ATP11B: variants seen among roughly 807,000 people sequenced by gnomAD.
ATP11B encodes phospholipid-transporting ATPase IF.
Under a neutral mutation model 157.8 loss-of-function variants are expected in ATP11B, and 81 were observed. That is an observed-to-expected ratio of 0.51 (90% CI 0.43 to 0.62). ATP11B has a LOEUF of 0.62. ATP11B is among the 20% of genes least tolerant of loss of function. The probability of loss-of-function intolerance (pLI) is 0.00; values close to 1 mark genes in which losing one functional copy is unlikely to be tolerated. For missense variants in ATP11B, 1,165 were observed against 1,402.2 expected, an observed-to-expected ratio of 0.83 and a Z score of 2.70; for synonymous variants, 451 against 469.4, an observed-to-expected ratio of 0.96 and a Z score of 0.51.
At chr3:182,889,595 G>GT (rs765836505) in intron 25 of ATP11B, 47 bp downstream of exon 25, 72 of 1,420,396 alleles carry the variant, frequency 5.1e-5, no homozygotes, top group East Asian at 5.3e-5. Flanking sequence ...TATTTTATGG[G>GT]TTTTTTATAG....
intron 25 of ATP11B, among the ~76,000 whole-genome samples, chr3:182,892,167 T>A (rs908205691): frequency 1.3e-5 from 2 of 152,112 alleles, no homozygotes; most frequent in African/African-American, 4.8e-5. Context: ...TTGCTTATGT[T>A]CCCTCTCTAG....
chr3:182,912,600 T>G (rs1724871685), intron 28 of ATP11B, among the ~76,000 whole-genome samples: 1 of 152,224 alleles, frequency 6.6e-6, no homozygotes, highest in Non-Finnish European at 1.5e-5. Flanking sequence ...GACACTGTCA[T>G]CAGGCAGTTG....
chr3:182,873,366 A>G (rs1426197748), intron 18 of ATP11B, among the ~76,000 whole-genome samples: 1 of 151,984 alleles, frequency 6.6e-6, no homozygotes, highest in Admixed American at 6.6e-5. Context: ...TCCTTACGAG[A>G]TTTCTGAGAC....
chr3:182,867,561 A>C (rs1299905405), intron 15 of ATP11B, 117 bp downstream of exon 15: 1 of 474,058 alleles, frequency 2.1e-6, no homozygotes, highest in Non-Finnish European at 3.7e-6. Flanking sequence ...GTTTTTCTAC[A>C]GCCCACAAGT....
intron 1 of ATP11B, among the ~76,000 whole-genome samples, chr3:182,798,742 C>G (rs1414382494): frequency 6.6e-6 from 1 of 152,130 alleles, no homozygotes; most frequent in African/African-American, 2.4e-5. Flanking sequence ...TGTGTCTACT[C>G]TGAATTGAGA....
chr3:182,802,202 C>T (rs1379970150), intron 1 of ATP11B, among the ~76,000 whole-genome samples: 1 of 152,172 alleles, frequency 6.6e-6, no homozygotes, highest in Non-Finnish European at 1.5e-5. Context: ...TTCTCTGCCA[C>T]CACCCTCAAC....
At position 182,866,407 on chromosome 3, in the gene ATP11B, C is replaced by T. The variant is rs1436418504; in HGVS notation, c.1583C>T (p.Ser528Leu). 3 of 1,612,132 alleles carry T rather than the reference C, an allele frequency of 1.9e-6. No individual in the cohort carries two copies. ...APSQLEYYASSPDEKALVEAA... is the reference protein window; with the variant it reads ...APSQLEYYASLPDEKALVEAA... ...TCGCAGTTGGAGTACTATGCATCTT[C>T]ACCAGATGAAAAGGCTCTAGTAGAA... is the stretch of plus-strand genomic sequence containing the variant. Residue 528 changes from serine (S) to leucine (L), a missense_variant, in exon 14 of 30, where the codon TCA (serine) becomes TTA (leucine). Transcript: ENST00000323116.
rs760452656 is a variant in ATP11B, at chr3:182,829,655, C to A, written c.235-17C>A. ...ATATAAAAATATAATATTCTGTATT[C>A]TTTTTTATAAATCTAGCTTATGATT... On this transcript the variant is annotated splice_polypyrimidine_tract_variant and intron_variant, in intron 3 of 29. Coordinates refer to ENST00000323116, the MANE Select transcript of ATP11B (RefSeq NM_014616.3). 1.1e-5 allele frequency: 17 copies of A among 1,508,678 alleles called. No individual in the cohort carries two copies. The highest frequency in any genetic ancestry group is 7.1e-5 in the Admixed American group (4 of 56,042). The allele number at this position is 1,508,678 out of a possible 1,614,324, so 93.5% of individuals were successfully genotyped here.
rs533543544 is a variant in ATP11B at position 182,820,957 on chromosome 3, C to T, written c.144+581C>T. Among the ~76,000 whole-genome samples the T allele has an allele frequency of 4.6e-5, 7 of 152,284 alleles. 1 individual carries two copies. In the East Asian group the frequency reaches 1.3e-3, roughly 29 times the overall value. On this transcript the variant is annotated intron_variant, in intron 2 of 29. Coordinates refer to ENST00000323116, the MANE Select transcript of ATP11B (RefSeq NM_014616.3). ...TTCTCATATCATTTAATCCTTACAA[C>T]AACCCTATGAGATAGCTTTTATGAA...
chr3:182,833,499 T>C (rs1379032881), intron 4 of ATP11B, among the ~76,000 whole-genome samples: 1 of 152,094 alleles, frequency 6.6e-6, no homozygotes, highest in Admixed American at 6.6e-5. Flanking sequence ...CTAATTTTTG[T>C]TATTTTTTTT....
At chr3:182,828,709 T>G (rs1221961090) in intron 3 of ATP11B, among the ~76,000 whole-genome samples, 1 of 151,744 alleles carries the variant, frequency 6.6e-6, no homozygotes, top group East Asian at 1.9e-4. Context: ...GGAGACTGTT[T>G]TCTTTGCTTA....
chr3:182,828,680 G>A (rs1523062), intron 3 of ATP11B, among the ~76,000 whole-genome samples: 106,447 of 149,808 alleles, frequency 0.71, 38,314 homozygotes, highest in Non-Finnish European at 0.77. Context: ...CCCTGTGGGT[G>A]AAGTTTTTTT....
intron 1 of ATP11B, among the ~76,000 whole-genome samples, chr3:182,803,626 G>GT (rs1282572735): frequency 6.6e-5 from 10 of 152,096 alleles, no homozygotes; most frequent in African/African-American, 2.4e-4. Flanking sequence ...TTTAAAATTA[G>GT]TTTTTTAACA....
rs368112788 is a variant in ATP11B, at chr3:182,899,235, A to C, written c.3318+463A>C. On this transcript the variant is annotated intron_variant, in intron 28 of 29. Transcript: ENST00000323116. The stretch of plus-strand genomic sequence containing the variant: ...TAGTGGCACGATCTTGGATCACTGC[A>C]AACTCTGCCTCCTGGGTTCAAGCAA... Among the ~76,000 whole-genome samples the C allele has an allele frequency of 3.7e-4, 55 of 150,510 alleles. No individual in the cohort carries two copies. The South Asian group carries it at 8.2e-3, about 22-fold the overall frequency.
chr3:182,807,173 T>G (rs1369442979), intron 1 of ATP11B, among the ~76,000 whole-genome samples: 4 of 151,628 alleles, frequency 2.6e-5, no homozygotes, highest in African/African-American at 9.7e-5. Context: ...TTCCAGGGAG[T>G]TTAGTAGTGT....
intron 1 of ATP11B, among the ~76,000 whole-genome samples, chr3:182,811,097 A>G (rs1384013216): frequency 6.6e-6 from 1 of 152,112 alleles, no homozygotes; most frequent in Non-Finnish European, 1.5e-5. Flanking sequence ...GAATAATCAG[A>G]TGCTGAAGTC....
At chr3:182,863,083 A>AT (rs1560095867) in intron 12 of ATP11B, among the ~76,000 whole-genome samples, 1 of 151,486 alleles carries the variant, frequency 6.6e-6, no homozygotes, top group Non-Finnish European at 1.5e-5. Flanking sequence ...CACCTGGCTA[A>AT]TTTTTTGTAT....
In ATP11B at chr3:182,898,772, G is replaced by T; in HGVS notation, c.3318G>T (p.Gln1106His). The T allele has an allele frequency of 6.7e-7, 1 of 1,501,458 alleles. No homozygotes were observed. Among genetic ancestry groups the T allele is most frequent in the African/African-American group, 1.4e-5 (1 of 70,360 alleles). 93.0% of individuals were successfully genotyped at this position (1,501,458 alleles called of 1,614,324 possible). ...HLHPTSTEKA[Q>H]LTETNAGIKC... ...ACCCTACAAGTACTGAAAAGGCACA[G>T]GTAACCACTTTTTATAATAAATTCA... Residue 1106 changes from glutamine to histidine, a missense_variant and splice_region_variant, in exon 28 of 30, where the codon CAG becomes CAT. Gln to His is a conservative substitution (Grantham distance 24). Coordinates refer to ENST00000323116, the MANE Select transcript of ATP11B (RefSeq NM_014616.3).
intron 22 of ATP11B, among the ~76,000 whole-genome samples, chr3:182,885,453 G>A (rs1368056513): frequency 6.6e-6 from 1 of 152,070 alleles, no homozygotes; most frequent in East Asian, 1.9e-4. Context: ...TCCAGTGATA[G>A]AACACAAGTA....
Sources: gnomAD v4.1 joint callset for allele counts (sites outside exome capture counted in the v4.1 genomes callset) on GRCh38, gnomAD v4.1.1 for gene constraint, MANE v1.5 for transcripts, NCBI Gene and HGNC (gene_info 2026-07-23, HGNC 2026-07-21) for gene names.